PKD2L1: variants seen among roughly 807,000 people sequenced by gnomAD.
PKD2L1 encodes the protein polycystin 2 like 1, transient receptor potential cation channel, also known as polycystin-2-like protein 1.
PKD2L1 carries 77 observed loss-of-function variants against 93.0 expected under a neutral mutation model. The ratio of observed to expected loss-of-function variants is 0.83; its 90% CI spans 0.69 to 1.00. The LOEUF is 1.00. Among genes scored for constraint, PKD2L1 ranks in the 50% least tolerant of loss-of-function variants. The probability of loss-of-function intolerance (pLI) is 0.00; values close to 1 mark genes in which losing one functional copy is unlikely to be tolerated. For missense variants in PKD2L1, 977 were observed against 990.9 expected (o/e 0.99, Z 0.19); for synonymous variants, 390 against 388.0 (o/e 1.01, Z -0.06).
intron 2 of PKD2L1, among the ~76,000 whole-genome samples, chr10:100,307,332 C>T (rs1002334456): frequency 1.3e-5 from 2 of 152,140 alleles, no homozygotes; most frequent in African/African-American, 2.4e-5. Flanking sequence ...CCATAGTAGA[C>T]CGATTGTGTA....
intron 2 of PKD2L1, among the ~76,000 whole-genome samples, chr10:100,328,591 C>CTTTTT (rs10685467): frequency 6.8e-6 from 1 of 147,164 alleles, no homozygotes. Context: ...GTTTTCCACT[C>CTTTTT]TTTTTTTTTT....
At position 100,308,928 on chromosome 10, in the gene PKD2L1, A is replaced by T. The variant is rs189422064; in HGVS notation, c.350-9210T>A. 4.6e-5 allele frequency among the ~76,000 whole-genome samples: 7 copies of T among 152,358 alleles called. No individual in the cohort carries two copies. In the East Asian group the frequency reaches 1.3e-3, roughly 29 times the overall value. On this transcript the variant is annotated intron_variant, in intron 2 of 15. Transcript: ENST00000318222. ...GAGTCTGAAGGTGAATTGCAAAAGC[A>T]CTTGTTAAACTCAAAAGATCACCGT...
In PKD2L1 at chr10:100,296,309, A is replaced by G. The variant is rs772473947; in HGVS notation, c.1186-17T>C. 1.9e-6 allele frequency: 3 copies of G among 1,553,504 alleles called. No homozygotes were observed. The African/African-American group carries it at 4.2e-5, about 22-fold the overall frequency. On this transcript the variant is annotated splice_polypyrimidine_tract_variant and intron_variant, in intron 6 of 15. Coordinates refer to ENST00000318222, the MANE Select transcript of PKD2L1 (RefSeq NM_016112.3). ...AATGGAGAGCTGTCACACAGGGGTC[A>G]TGGGGGTGTCAGAGAAGGCAAGGGG...
Position 100,288,973 on chromosome 10 carries a change from A to T in PKD2L1, c.2334T>A (p.Ser778Arg). Residue 778 changes from serine (S) to arginine (R), a missense_variant and splice_region_variant, in exon 15 of 16, where the codon AGT (serine) becomes AGA (arginine). Ser to Arg is a moderately radical substitution (Grantham distance 110). Coordinates refer to ENST00000318222, the MANE Select transcript of PKD2L1 (RefSeq NM_016112.3). ...GATGCTTTAGGCCCCCTTCCTCACCACTCTCCTGCCCACCCTGGACTCCCC... is the reference window on the plus strand; with the variant it reads ...GATGCTTTAGGCCCCCTTCCTCACCTCTCTCCTGCCCACCCTGGACTCCCC... ...DPWGVQGGQESEVPYKREEEA... is the reference protein window; with the variant it reads ...DPWGVQGGQEREVPYKREEEA... 6.3e-7 allele frequency: 1 copy of T among 1,591,760 alleles called. No individual in the cohort carries two copies. Among genetic ancestry groups the T allele is most frequent in the African/African-American group, 1.4e-5 (1 of 73,972 alleles).
chr10:100,302,477 A>G (rs1336409920), intron 2 of PKD2L1, among the ~76,000 whole-genome samples: 1 of 151,956 alleles, frequency 6.6e-6, no homozygotes, highest in Non-Finnish European at 1.5e-5. Context: ...TGGGCGGATC[A>G]CTTGAGCTCA....
intron 2 of PKD2L1, among the ~76,000 whole-genome samples, chr10:100,303,191 G>GTTTTTTTTTT (rs146131470): frequency 3.9e-5 from 5 of 128,980 alleles, no homozygotes; most frequent in African/African-American, 6.0e-5. Flanking sequence ...ACATCAAACT[G>GTTTTTTTTTT]TTTTTTTGTT....
Position 100,321,904 on chromosome 10 carries a change from C to CAAGCAAGCAAGGAAGGAAGG in PKD2L1, c.349+7306_349+7307insCCTTCCTTCCTTGCTTGCTT, listed in dbSNP as rs1273641302. 5.3e-4 allele frequency among the ~76,000 whole-genome samples: 5 copies of CAAGCAAGCAAGGAAGGAAGG among 9,488 alleles called. 2 individuals carry two copies. The highest frequency in any genetic ancestry group is 2.9e-3 in the East Asian group (1 of 346). The allele number at this position is 9,488 out of a possible 152,430, so 6.2% of individuals were successfully genotyped here. A position where few individuals can be genotyped will look rare whatever the true frequency, so the allele number is the denominator to read the frequency against. ...GGAGGGAGGGAGGGAGGGAAGGAAG[C>CAAGCAAGCAAGGAAGGAAGG]AAGGAAGGAAGGAAGGAAGGAAGGA... On this transcript the variant is annotated intron_variant, in intron 2 of 15. Transcript: ENST00000318222.
At chr10:100,313,374 C>G (rs1390442691) in intron 2 of PKD2L1, among the ~76,000 whole-genome samples, 1 of 152,146 alleles carries the variant, frequency 6.6e-6, no homozygotes, top group Non-Finnish European at 1.5e-5. Context: ...AGACAGGAAA[C>G]CAGGCAGGAA....
chr10:100,330,094 C>G lies in PKD2L1; in HGVS notation c.10G>C (p.Val4Leu), dbSNP rs932050057. Residue 4 changes from valine to leucine, a missense_variant, in exon 1 of 16, where the codon GTG (valine) becomes CTG (leucine). Transcript: ENST00000318222. ...AGCTCCTGCCCCTCAGGACTTCCCA[C>G]AGCATTCATGGGGAATGAGGTGGGG... MNA[V>L]GSPEGQELQK... 64 of 1,578,612 alleles carry G rather than the reference C, an allele frequency of 4.1e-5. No homozygotes were observed. The highest frequency in any genetic ancestry group is 5.4e-5 in the Non-Finnish European group (63 of 1,159,372).
At chr10:100,300,071 C>T (rs1848642746) in intron 2 of PKD2L1, among the ~76,000 whole-genome samples, 1 of 152,260 alleles carries the variant, frequency 6.6e-6, no homozygotes, top group Admixed American at 6.5e-5. Flanking sequence ...GCCTTCTGCA[C>T]TGTGTAGTGA....
Position 100,298,657 on chromosome 10 carries a change from C to CACCACACAGGAGTCATTGCGG in PKD2L1, c.615_635dup (p.Arg206_Val212dup). 1.2e-6 allele frequency: 2 copies of CACCACACAGGAGTCATTGCGG among 1,614,166 alleles called. No individual in the cohort carries two copies. ...GAATGTCCTCCCGGAAGTCTTCATGCACCACACAGGAGTCATTGCGGACCT... is the reference window on the plus strand; with the variant it reads ...GAATGTCCTCCCGGAAGTCTTCATGCACCACACAGGAGTCATTGCGGACCACACAGGAGTCATTGCGGACCT... On this transcript the variant is annotated inframe_insertion, in exon 4 of 16. Transcript: ENST00000318222.
At chr10:100,320,919 A>G (rs1388837263) in intron 2 of PKD2L1, among the ~76,000 whole-genome samples, 1 of 152,210 alleles carries the variant, frequency 6.6e-6, no homozygotes, top group Non-Finnish European at 1.5e-5. Flanking sequence ...CTCCTTATCA[A>G]TTCCCAAGGA....
chr10:100,314,187 C>T (rs1849004196), intron 2 of PKD2L1, among the ~76,000 whole-genome samples: 1 of 152,026 alleles, frequency 6.6e-6, no homozygotes, highest in Middle Eastern at 3.2e-3. Flanking sequence ...CCTGAAACAC[C>T]TTTATCAAAC....
At chr10:100,289,944 ACCCACTG>A in intron 14 of PKD2L1, 64 bp downstream of exon 14, 2 of 1,566,476 alleles carry the variant, frequency 1.3e-6, no homozygotes, top group Non-Finnish European at 1.8e-6. Flanking sequence ...TTCTTGCCCC[ACCCACTG>A]AGTGGAAAAG....
chr10:100,329,404 T>G, intron 1 of PKD2L1, 80 bp from the exon 2 acceptor site: 2 of 1,598,688 alleles, frequency 1.3e-6, no homozygotes, highest in South Asian at 2.2e-5. Flanking sequence ...GTCTCTGGAC[T>G]TTAGCCCCTT....
chr10:100,289,184 T>TA, intron 14 of PKD2L1, 128 bp from the exon 15 acceptor site: 1 of 620,604 alleles, frequency 1.6e-6, no homozygotes, highest in Middle Eastern at 3.9e-4. Flanking sequence ...AATTCATCCG[T>TA]TAAAATTGTA....
intron 14 of PKD2L1, among the ~76,000 whole-genome samples, chr10:100,289,713 T>C (rs778469062): frequency 5.3e-5 from 8 of 152,090 alleles, no homozygotes; most frequent in Non-Finnish European, 8.8e-5. Flanking sequence ...CCTCCCAAAC[T>C]GTGAGGAACA....
chr10:100,302,335 T>G lies in PKD2L1; in HGVS notation c.350-2617A>C, dbSNP rs142415444. ...AGCTTTTCTTCCCTATGGGTTATAA[T>G]TTATTATTTATTTTGTTGCTCAGGT... is the stretch of plus-strand genomic sequence containing the variant. On this transcript the variant is annotated intron_variant, in intron 2 of 15. Coordinates refer to ENST00000318222, the MANE Select transcript of PKD2L1 (RefSeq NM_016112.3). 7.6e-3 allele frequency among the ~76,000 whole-genome samples: 1,151 copies of G among 152,102 alleles called. 9 individuals carry two copies. The highest frequency in any genetic ancestry group is 0.022 in the African/African-American group (926 of 41,484).
chr10:100,299,334 A>G (rs1848625111), intron 3 of PKD2L1, among the ~76,000 whole-genome samples: 1 of 152,140 alleles, frequency 6.6e-6, no homozygotes, highest in South Asian at 2.1e-4. Flanking sequence ...TTTATTTAAA[A>G]TTCGTTTTGA....
Sources: gnomAD v4.1 joint callset for allele counts (sites outside exome capture counted in the v4.1 genomes callset) on GRCh38, gnomAD v4.1.1 for gene constraint, MANE v1.5 for transcripts, NCBI Gene and HGNC (gene_info 2026-07-23, HGNC 2026-07-21) for gene names.